AK4: variants seen among roughly 807,000 people sequenced by gnomAD.
AK4 encodes adenylate kinase 4, mitochondrial.
A neutral mutation model predicts 24.6 loss-of-function variants in AK4; 13 were observed. That is an observed-to-expected ratio of 0.53 (90% CI 0.34 to 0.84). The LOEUF (loss-of-function observed/expected upper bound fraction) is 0.84. AK4 is among the 40% of genes least tolerant of loss of function. The probability of loss-of-function intolerance (pLI) is 0.01; values close to 1 mark genes in which losing one functional copy is unlikely to be tolerated. For missense variants in AK4, 192 were observed against 288.2 expected, an observed-to-expected ratio of 0.67 and a Z score of 2.42; for synonymous variants, 88 against 107.0, an observed-to-expected ratio of 0.82 and a Z score of 1.10.
At chr1:65,169,291 T>C (rs1650435105) in intron 1 of AK4, among the ~76,000 whole-genome samples, 1 of 152,234 alleles carries the variant, frequency 6.6e-6, no homozygotes, top group African/African-American at 2.4e-5. Context: ...AAATTATCTT[T>C]ATTTAGAGTT....
intron 2 of AK4, among the ~76,000 whole-genome samples, chr1:65,193,414 A>G (rs958470913): frequency 6.6e-5 from 10 of 152,158 alleles, no homozygotes; most frequent in Non-Finnish European, 1.3e-4. Context: ...TCTGTTGTCC[A>G]TTGTCTTGAT....
chr1:65,213,754 C>G (rs1208543845), intron 2 of AK4, among the ~76,000 whole-genome samples: 1 of 152,068 alleles, frequency 6.6e-6, no homozygotes, highest in Non-Finnish European at 1.5e-5. Context: ...GTCCTCTGAC[C>G]CCGAATTCCT....
intron 2 of AK4, among the ~76,000 whole-genome samples, chr1:65,204,591 G>A (rs1038126435): frequency 7.9e-5 from 12 of 152,178 alleles, no homozygotes; most frequent in African/African-American, 2.7e-4. Context: ...TCATCACCAA[G>A]GATATTAATT....
chr1:65,173,588 C>T (rs1570088433), intron 1 of AK4, among the ~76,000 whole-genome samples: 1 of 152,186 alleles, frequency 6.6e-6, no homozygotes, highest in African/African-American at 2.4e-5. Flanking sequence ...CTTTCCTTCT[C>T]CCAAAGCACT....
intron 1 of AK4, among the ~76,000 whole-genome samples, chr1:65,184,274 T>C (rs904649724): frequency 6.6e-6 from 1 of 152,220 alleles, no homozygotes; most frequent in African/African-American, 2.4e-5. Flanking sequence ...CATCCATCTA[T>C]CTTTCTCTCT....
In AK4 at chr1:65,175,623, A is replaced by C. The variant is rs549802232; in HGVS notation, c.146-15087A>C. On this transcript the variant is annotated intron_variant, in intron 1 of 4. Transcript: ENST00000327299. The stretch of plus-strand genomic sequence containing the variant: ...CTAGTACTTGGGCTGTGCTCAGGTT[A>C]CAGGGAGGCTGTTCTATGGTTTTTA... Among the ~76,000 whole-genome samples, 9 of 152,292 alleles carry C rather than the reference A, an allele frequency of 5.9e-5. No homozygotes were observed. The South Asian group carries it at 1.9e-3, about 32-fold the overall frequency.
At chr1:65,176,472 G>C (rs1037151179) in intron 1 of AK4, among the ~76,000 whole-genome samples, 1 of 152,072 alleles carries the variant, frequency 6.6e-6, no homozygotes, top group Non-Finnish European at 1.5e-5. Flanking sequence ...TTCCCATCCC[G>C]ACTCCACCTC....
chr1:65,205,693 C>T (rs1376817258), intron 2 of AK4, among the ~76,000 whole-genome samples: 1 of 152,146 alleles, frequency 6.6e-6, no homozygotes, highest in Non-Finnish European at 1.5e-5. Flanking sequence ...CAGTTCTTTC[C>T]TTTCAGGGAA....
chr1:65,183,957 G>A (rs1159645915), intron 1 of AK4, among the ~76,000 whole-genome samples: 1 of 152,128 alleles, frequency 6.6e-6, no homozygotes, highest in African/African-American at 2.4e-5. Flanking sequence ...TATCCTGGAA[G>A]CATGAATTTT....
chr1:65,201,806 A>G (rs966605555), intron 2 of AK4, among the ~76,000 whole-genome samples: 1 of 152,202 alleles, frequency 6.6e-6, no homozygotes, highest in Non-Finnish European at 1.5e-5. Flanking sequence ...GAAGGTGGGA[A>G]TGAAGCACAT....
At chr1:65,205,365 G>A (rs938123333) in intron 2 of AK4, among the ~76,000 whole-genome samples, 9 of 152,142 alleles carry the variant, frequency 5.9e-5, no homozygotes, top group African/African-American at 2.2e-4. Flanking sequence ...CTCCCAAGTA[G>A]CTAGGACTAC....
At chr1:65,169,335 A>G (rs1650436085) in intron 1 of AK4, among the ~76,000 whole-genome samples, 1 of 152,186 alleles carries the variant, frequency 6.6e-6, no homozygotes, top group Admixed American at 6.5e-5. Context: ...TGGATTTTTT[A>G]AATTCCAGAA....
chr1:65,201,315 A>G (rs1003220198), intron 2 of AK4, among the ~76,000 whole-genome samples: 4 of 152,010 alleles, frequency 2.6e-5, no homozygotes, highest in Non-Finnish European at 5.9e-5. Flanking sequence ...CGTGTCCTCC[A>G]TGTCCATTTC....
chr1:65,217,324 T>A (rs1185025297), intron 2 of AK4, among the ~76,000 whole-genome samples: 1 of 152,164 alleles, frequency 6.6e-6, no homozygotes, highest in African/African-American at 2.4e-5. Flanking sequence ...ATTCTTTGAA[T>A]TGTAAGTGCT....
At chr1:65,222,979 A>G (rs964685814) in intron 3 of AK4, among the ~76,000 whole-genome samples, 28 of 152,150 alleles carry the variant, frequency 1.8e-4, no homozygotes, top group African/African-American at 6.7e-4. Context: ...ATTAAAACAA[A>G]TTGAAAATCA....
At chr1:65,150,278 TC>T (rs1436723677) in intron 1 of AK4, among the ~76,000 whole-genome samples, 1 of 122,022 alleles carries the variant, frequency 8.2e-6, no homozygotes, top group Non-Finnish European at 1.6e-5. Flanking sequence ...TCTTTCTCTC[TC>T]TCTCTCTTTT....
chr1:65,203,531 C>T (rs1411435163), intron 2 of AK4, among the ~76,000 whole-genome samples: 3 of 152,002 alleles, frequency 2.0e-5, no homozygotes, highest in Admixed American at 6.6e-5. Context: ...TGGCCTGGCG[C>T]GATGGCTCAC....
At chr1:65,207,691 C>A (rs1316894754) in intron 2 of AK4, among the ~76,000 whole-genome samples, 2 of 152,218 alleles carry the variant, frequency 1.3e-5, no homozygotes, top group Admixed American at 6.5e-5. Flanking sequence ...TTCCAACCTG[C>A]ACCCTGGTCC....
chr1:65,199,036 G>A (rs537631289), intron 2 of AK4, among the ~76,000 whole-genome samples: 7 of 149,554 alleles, frequency 4.7e-5, no homozygotes, highest in South Asian at 2.1e-4. Flanking sequence ...GCAGTGAGCC[G>A]AGATTGTGCC....
Sources: gnomAD v4.1 joint callset for allele counts (sites outside exome capture counted in the v4.1 genomes callset) on GRCh38, gnomAD v4.1.1 for gene constraint, MANE v1.5 for transcripts, NCBI Gene and HGNC (gene_info 2026-07-23, HGNC 2026-07-21) for gene names.